PTPN9: variants seen among roughly 807,000 people sequenced by gnomAD.
PTPN9 encodes protein tyrosine phosphatase non-receptor type 9, also known as tyrosine-protein phosphatase non-receptor type 9.
A neutral mutation model predicts 69.8 loss-of-function variants in PTPN9; 26 were observed. The ratio of observed to expected loss-of-function variants is 0.37; its 90% CI spans 0.27 to 0.52. The LOEUF is 0.52. PTPN9 is among the 20% of genes least tolerant of loss of function. The pLI, the probability that PTPN9 is intolerant of heterozygous loss-of-function variation, is 0.91. For synonymous variants in PTPN9, 274 were observed against 272.5 expected (o/e 1.01, Z -0.05); for missense variants, 549 against 740.3 (o/e 0.74, Z 3.00).
At chr15:75,546,722 G>C (rs1024861765) in intron 1 of PTPN9, among the ~76,000 whole-genome samples, 5 of 151,706 alleles carry the variant, frequency 3.3e-5, no homozygotes, top group African/African-American at 1.2e-4. Context: ...GGGTGGGTGG[G>C]CACAGAAAGC....
intron 1 of PTPN9, among the ~76,000 whole-genome samples, chr15:75,536,718 T>TC (rs1232344522): frequency 6.6e-6 from 1 of 152,084 alleles, no homozygotes; most frequent in Non-Finnish European, 1.5e-5. Flanking sequence ...CCAGACATGA[T>TC]CCTATAAACA....
chr15:75,514,957 G>C (rs1382625132), intron 5 of PTPN9, among the ~76,000 whole-genome samples: 1 of 152,288 alleles, frequency 6.6e-6, no homozygotes. Context: ...AAGGGGGTAC[G>C]ACTGCTTTGA....
chr15:75,521,356 G>A (rs972082732), intron 4 of PTPN9, among the ~76,000 whole-genome samples: 2 of 151,880 alleles, frequency 1.3e-5, no homozygotes, highest in Non-Finnish European at 2.9e-5. Flanking sequence ...GGAGGCTGAG[G>A]CAGGAGAATG....
At chr15:75,498,508 A>G (rs2074756074) in intron 7 of PTPN9, among the ~76,000 whole-genome samples, 1 of 151,976 alleles carries the variant, frequency 6.6e-6, no homozygotes, top group Non-Finnish European at 1.5e-5. Context: ...TGAGGTCAGG[A>G]GTTTGAGATC....
At chr15:75,517,627 T>C (rs887855518) in intron 4 of PTPN9, among the ~76,000 whole-genome samples, 2 of 152,214 alleles carry the variant, frequency 1.3e-5, no homozygotes, top group Non-Finnish European at 2.9e-5. Flanking sequence ...AAATCTGAAC[T>C]GTTTTCTCCC....
intron 1 of PTPN9, among the ~76,000 whole-genome samples, chr15:75,554,288 G>A (rs138595541): frequency 2.6e-5 from 4 of 151,508 alleles, no homozygotes; most frequent in African/African-American, 7.3e-5. Context: ...TCTGCCTCCC[G>A]GGTTCAAGCG....
At chr15:75,524,386 G>C (rs2141320868) in intron 2 of PTPN9, 88 bp from the exon 3 acceptor site, 1 of 707,510 alleles carries the variant, frequency 1.4e-6, no homozygotes, top group Non-Finnish European at 2.4e-6. Flanking sequence ...TCAGAGATAA[G>C]GTGGTTATCA....
Position 75,481,896 on chromosome 15 carries a change from G to A in PTPN9, c.1063-1982C>T, listed in dbSNP as rs370155644. Among the ~76,000 whole-genome samples, 44 of 145,938 alleles carry A rather than the reference G, an allele frequency of 3.0e-4. No individual in the cohort carries two copies. The East Asian group carries it at 3.2e-3, about 10-fold the overall frequency. On this transcript the variant is annotated intron_variant, in intron 8 of 12. Transcript: ENST00000618819. ...GGGAGGTGAGGGGGCGCCTCTGCCC[G>A]GCCGCCCCTACTGGGAAGTGAGGAG...
intron 1 of PTPN9, among the ~76,000 whole-genome samples, chr15:75,565,808 T>C (rs2075124344): frequency 6.6e-6 from 1 of 152,124 alleles, no homozygotes; most frequent in Non-Finnish European, 1.5e-5. Flanking sequence ...CTAAAGGTAA[T>C]GTGTAACCTA....
chr15:75,544,975 G>T (rs1221246857), intron 1 of PTPN9, among the ~76,000 whole-genome samples: 1 of 152,118 alleles, frequency 6.6e-6, no homozygotes. Flanking sequence ...CTTCAGGTCA[G>T]CCTAAATCCT....
intron 1 of PTPN9, among the ~76,000 whole-genome samples, chr15:75,567,763 G>A (rs538803392): frequency 5.9e-5 from 9 of 152,166 alleles, no homozygotes; most frequent in Admixed American, 2.0e-4. Flanking sequence ...TTGGGAGGCC[G>A]AGGTGGGTGG....
intron 7 of PTPN9, among the ~76,000 whole-genome samples, chr15:75,505,132 G>A (rs2141310449): frequency 6.6e-6 from 1 of 151,954 alleles, no homozygotes; most frequent in South Asian, 2.1e-4. Flanking sequence ...CTTCTGCCTT[G>A]GGATCCTGTT....
chr15:75,526,853 C>G, intron 2 of PTPN9, among the ~76,000 whole-genome samples: 1 of 152,200 alleles, frequency 6.6e-6, no homozygotes, highest in East Asian at 1.9e-4. Context: ...TATCCTGCCA[C>G]CAGGATGCTG....
At chr15:75,496,839 G>A (rs767505831) in intron 7 of PTPN9, among the ~76,000 whole-genome samples, 7 of 152,110 alleles carry the variant, frequency 4.6e-5, no homozygotes, top group Non-Finnish European at 7.4e-5. Context: ...AATTAGGGAT[G>A]AAATACCAGG....
chr15:75,568,360 C>T (rs1024172352), intron 1 of PTPN9, among the ~76,000 whole-genome samples: 2 of 151,462 alleles, frequency 1.3e-5, no homozygotes, highest in Non-Finnish European at 2.9e-5. Context: ...TCTAACTGGG[C>T]ATGGTGGTGT....
chr15:75,489,418 G>T (rs1470500269), intron 8 of PTPN9, among the ~76,000 whole-genome samples: 1 of 152,014 alleles, frequency 6.6e-6, no homozygotes, highest in Non-Finnish European at 1.5e-5. Flanking sequence ...GTGAGAACTT[G>T]TCTCTACAAA....
At chr15:75,494,808 G>C (rs575743097) in intron 7 of PTPN9, among the ~76,000 whole-genome samples, 2 of 152,062 alleles carry the variant, frequency 1.3e-5, no homozygotes, top group African/African-American at 4.8e-5. Flanking sequence ...CAGATCTCCT[G>C]AAGTCAGGAG....
chr15:75,506,850 C>T (rs748186142), intron 6 of PTPN9, among the ~76,000 whole-genome samples: 5 of 152,040 alleles, frequency 3.3e-5, no homozygotes, highest in Non-Finnish European at 7.3e-5. Context: ...CTTTCCTCCT[C>T]TGCCTCTTCA....
chr15:75,477,805 C>T (rs2141290141), intron 9 of PTPN9, among the ~76,000 whole-genome samples: 1 of 146,932 alleles, frequency 6.8e-6, no homozygotes, highest in South Asian at 2.2e-4. Context: ...AGATTTTTTT[C>T]TCCCAGTTGA....
Sources: allele counts gnomAD v4.1 joint callset (sites outside exome capture counted in the v4.1 genomes callset), GRCh38; gene constraint gnomAD v4.1.1; transcripts MANE v1.5; gene names NCBI Gene and HGNC (gene_info 2026-07-23, HGNC 2026-07-21).